Variants in TBC1D5 observed in about 807,000 individuals in gnomAD.
TBC1D5 encodes TBC1 domain family member 5.
Under a neutral mutation model 100.3 loss-of-function variants are expected in TBC1D5, and 75 were observed. The observed-to-expected ratio is 0.75, with a 90% CI of 0.62 to 0.91. The LOEUF (loss-of-function observed/expected upper bound fraction) is 0.91. Among genes scored for constraint, TBC1D5 ranks in the 40% least tolerant of loss-of-function variants. The pLI is 0.00. For missense variants in TBC1D5, 910 were observed against 942.4 expected, an observed-to-expected ratio of 0.97 and a Z score of 0.45; for synonymous variants, 323 against 325.6, an observed-to-expected ratio of 0.99 and a Z score of 0.09.
At chr3:17,377,233 C>T (rs1559754524) in intron 9 of TBC1D5, among the ~76,000 whole-genome samples, 1 of 151,966 alleles carries the variant, frequency 6.6e-6, no homozygotes, top group African/African-American at 2.4e-5. Flanking sequence ...GGATTAATTT[C>T]AATTTATTTA....
chr3:17,336,793 G>C (rs1012724665), intron 13 of TBC1D5, among the ~76,000 whole-genome samples: 1 of 151,942 alleles, frequency 6.6e-6, no homozygotes, highest in African/African-American at 2.4e-5. Context: ...AAGCGTCGAT[G>C]ATATTAGGTG....
Position 17,308,142 on chromosome 3 carries a change from G to A in TBC1D5, c.996-8C>T. 1 of 1,563,436 alleles carries A rather than the reference G, an allele frequency of 6.4e-7. No individual in the cohort carries two copies. ...AGCAGCCGCACCCACCTTCTGGAAA[G>A]AAACAAAACAAAAATTCAGAAGACA... On this transcript the variant is annotated splice_polypyrimidine_tract_variant and splice_region_variant and intron_variant, in intron 13 of 21. Transcript: ENST00000253692.
At chr3:17,428,997 G>A (rs1314202566) in intron 3 of TBC1D5, among the ~76,000 whole-genome samples, 1 of 151,890 alleles carries the variant, frequency 6.6e-6, no homozygotes, top group African/African-American at 2.4e-5. Flanking sequence ...TTGAGAGGTA[G>A]TGATTAATTA....
At chr3:17,483,156 T>G (rs941745524) in intron 3 of TBC1D5, among the ~76,000 whole-genome samples, 3 of 152,186 alleles carry the variant, frequency 2.0e-5, no homozygotes, top group African/African-American at 7.2e-5. Context: ...TGCCTAGATG[T>G]AAGAACAGCA....
intron 2 of TBC1D5, among the ~76,000 whole-genome samples, chr3:17,567,029 T>C (rs910573171): frequency 6.6e-5 from 10 of 151,814 alleles, no homozygotes; most frequent in African/African-American, 2.4e-4. Flanking sequence ...ACATAAAACA[T>C]TCCCTATGCC....
At chr3:17,464,268 T>C (rs987851629) in intron 3 of TBC1D5, among the ~76,000 whole-genome samples, 2 of 152,150 alleles carry the variant, frequency 1.3e-5, no homozygotes, top group African/African-American at 2.4e-5. Context: ...CCATTCCTTA[T>C]TCTTAATCAG....
intron 13 of TBC1D5, among the ~76,000 whole-genome samples, chr3:17,352,750 C>G (rs892357838): frequency 6.8e-6 from 1 of 146,718 alleles, no homozygotes; most frequent in Admixed American, 6.8e-5. Context: ...CTTTTATATG[C>G]TAACTCAGAA....
chr3:17,499,476 T>C (rs2095757157), intron 3 of TBC1D5, among the ~76,000 whole-genome samples: 1 of 137,286 alleles, frequency 7.3e-6, no homozygotes, highest in Non-Finnish European at 1.5e-5. Flanking sequence ...GGGAGGCCCA[T>C]GTGGGCGGAT....
intron 13 of TBC1D5, among the ~76,000 whole-genome samples, chr3:17,368,904 T>G (rs1214502575): frequency 2.0e-5 from 3 of 152,094 alleles, no homozygotes; most frequent in African/African-American, 7.2e-5. Flanking sequence ...TTGGTGATAT[T>G]TACTCAAACC....
At chr3:17,719,145 G>C (rs375809170) in intron 1 of TBC1D5, among the ~76,000 whole-genome samples, 2 of 151,990 alleles carry the variant, frequency 1.3e-5, no homozygotes, top group Non-Finnish European at 2.9e-5. Context: ...TTTTTATAAA[G>C]GATAATGGCT....
At chr3:17,255,910 C>A (rs1169875156) in intron 16 of TBC1D5, among the ~76,000 whole-genome samples, 4 of 152,112 alleles carry the variant, frequency 2.6e-5, no homozygotes, top group Non-Finnish European at 5.9e-5. Context: ...GCAGCGTGCG[C>A]CTGTAGTCCC....
chr3:17,597,959 T>C (rs2060678253), intron 2 of TBC1D5, among the ~76,000 whole-genome samples: 1 of 152,084 alleles, frequency 6.6e-6, no homozygotes, highest in African/African-American at 2.4e-5. Context: ...GGATACCAAG[T>C]TCAATTTAGC....
At chr3:17,291,530 C>G (rs2081738671) in intron 15 of TBC1D5, among the ~76,000 whole-genome samples, 1 of 152,104 alleles carries the variant, frequency 6.6e-6, no homozygotes, top group African/African-American at 2.4e-5. Context: ...CATATGGCCC[C>G]CAAGGTTCTA....
intron 1 of TBC1D5, among the ~76,000 whole-genome samples, chr3:17,682,848 A>G (rs550564391): frequency 6.6e-6 from 1 of 151,674 alleles, no homozygotes; most frequent in East Asian, 1.9e-4. Flanking sequence ...TGATTCATAT[A>G]GTACCCTACC....
At chr3:17,534,334 T>A in intron 2 of TBC1D5, among the ~76,000 whole-genome samples, 1 of 152,190 alleles carries the variant, frequency 6.6e-6, no homozygotes, top group East Asian at 1.9e-4. Flanking sequence ...CATAAAAAGA[T>A]ACTTCTCAGG....
chr3:17,191,443 T>G (rs1239422748), intron 18 of TBC1D5, among the ~76,000 whole-genome samples: 1 of 152,180 alleles, frequency 6.6e-6, no homozygotes, highest in African/African-American at 2.4e-5. Flanking sequence ...TAGAAAGTTA[T>G]TTCAAAGGAT....
intron 16 of TBC1D5, among the ~76,000 whole-genome samples, chr3:17,245,000 A>G (rs2076613298): frequency 7.1e-6 from 1 of 141,324 alleles, no homozygotes. Flanking sequence ...AGCCTGGGCG[A>G]TATAGTGAGA....
intron 1 of TBC1D5, among the ~76,000 whole-genome samples, chr3:17,683,754 C>T (rs2069836857): frequency 1.3e-5 from 2 of 152,126 alleles, no homozygotes; most frequent in Non-Finnish European, 2.9e-5. Flanking sequence ...GTCTCTATTT[C>T]TTCAACTCGA....
intron 19 of TBC1D5, among the ~76,000 whole-genome samples, chr3:17,169,528 G>A (rs918120644): frequency 1.1e-4 from 16 of 152,186 alleles, no homozygotes; most frequent in South Asian, 2.1e-4. Flanking sequence ...AAGCAACAGC[G>A]TTTATTTATT....
Sources: allele counts gnomAD v4.1 joint callset (sites outside exome capture counted in the v4.1 genomes callset), GRCh38; gene constraint gnomAD v4.1.1; transcripts MANE v1.5; gene names NCBI Gene and HGNC (gene_info 2026-07-23, HGNC 2026-07-21).